SOX5: variants seen among roughly 807,000 people sequenced by gnomAD.
SOX5 encodes the protein SRY-box transcription factor 5.
SOX5 carries 9 observed loss-of-function variants against 92.0 expected under a neutral mutation model. The ratio of observed to expected loss-of-function variants is 0.10; its 90% confidence interval spans 0.06 to 0.17. The LOEUF is 0.17. Ranked by LOEUF, SOX5 falls within the 10% of genes least tolerant of loss-of-function variation. The pLI is 1.00. For missense variants in SOX5, 642 were observed against 944.5 expected (o/e 0.68, Z 4.20); for synonymous variants, 344 against 336.3 (o/e 1.02, Z -0.25).
chr12:24,482,820 A>T (rs185139037), intron 1 of SOX5, among the ~76,000 whole-genome samples: 51 of 152,326 alleles, frequency 3.3e-4, no homozygotes, highest in Non-Finnish European at 7.1e-4. Context: ...AACGTAAATA[A>T]GAGTATTGTG....
chr12:23,711,703 T>C (rs1182578857), intron 6 of SOX5, among the ~76,000 whole-genome samples: 6 of 152,164 alleles, frequency 3.9e-5, no homozygotes, highest in Non-Finnish European at 8.8e-5. Flanking sequence ...TCTGAAGTAA[T>C]TACAATTGGA....
rs34331621 is a variant in SOX5 at position 23,664,322 on chromosome 12, C to CATATATATATATAT, written c.931+1108_931+1121dup. Among the ~76,000 whole-genome samples, 429 of 150,078 alleles carry CATATATATATATAT rather than the reference C, an allele frequency of 2.9e-3. 2 individuals are homozygous for CATATATATATATAT. Among genetic ancestry groups the CATATATATATATAT allele is most frequent in the African/African-American group, 9.9e-3 (407 of 40,968 alleles). On this transcript the variant is annotated intron_variant, in intron 7 of 14. Coordinates refer to ENST00000451604, the MANE Select transcript of SOX5 (RefSeq NM_006940.6). ...AGATGTTAATGGCACAATTCATTAA[C>CATATATATATATAT]ATATATATATATATAAGCCAAAATG...
At chr12:24,029,784 T>C (rs1243730135) in intron 4 of SOX5, among the ~76,000 whole-genome samples, 1 of 152,038 alleles carries the variant, frequency 6.6e-6, no homozygotes, top group Non-Finnish European at 1.5e-5. Flanking sequence ...AATTTCAAAA[T>C]ATACTAGTTT....
At chr12:24,263,014 G>A in intron 3 of SOX5, among the ~76,000 whole-genome samples, 1 of 152,022 alleles carries the variant, frequency 6.6e-6, no homozygotes, top group Non-Finnish European at 1.5e-5. Flanking sequence ...CTGAGGTCAG[G>A]AGTTCGAGGC....
chr12:24,085,956 TAAAA>T (rs144400872), intron 4 of SOX5, among the ~76,000 whole-genome samples: 1 of 138,510 alleles, frequency 7.2e-6, no homozygotes. Context: ...ACGGATATGC[TAAAA>T]AAAAAAAAAA....
chr12:24,023,224 T>C (rs529160617), intron 4 of SOX5, among the ~76,000 whole-genome samples: 1 of 152,160 alleles, frequency 6.6e-6, no homozygotes, highest in Non-Finnish European at 1.5e-5. Context: ...CACATTCAGA[T>C]GTTTGTTACA....
intron 6 of SOX5, among the ~76,000 whole-genome samples, chr12:23,671,148 A>G (rs2084714622): frequency 6.6e-6 from 1 of 152,204 alleles, no homozygotes; most frequent in Admixed American, 6.6e-5. Flanking sequence ...AACAGGTCTT[A>G]TGAGAGTGAG....
chr12:24,423,284 G>C (rs972899995), intron 1 of SOX5, among the ~76,000 whole-genome samples: 19 of 152,162 alleles, frequency 1.2e-4, no homozygotes, highest in African/African-American at 4.6e-4. Context: ...AGTCTCAATT[G>C]ATTCTGAAAT....
At chr12:24,343,772 G>T (rs1220412694) in intron 2 of SOX5, among the ~76,000 whole-genome samples, 1 of 152,074 alleles carries the variant, frequency 6.6e-6, no homozygotes, top group East Asian at 1.9e-4. Flanking sequence ...GAAGTTGGAG[G>T]GGCTGATTTG....
At chr12:23,897,914 T>A (rs2097193567) in intron 1 of SOX5, among the ~76,000 whole-genome samples, 1 of 152,176 alleles carries the variant, frequency 6.6e-6, no homozygotes, top group Non-Finnish European at 1.5e-5. Context: ...TTTTAACTAT[T>A]TCCAATCCCA....
chr12:24,212,315 A>G, intron 4 of SOX5: 1 of 496,452 alleles, frequency 2.0e-6, no homozygotes, highest in Non-Finnish European at 4.0e-6. Context: ...GAATAACTTT[A>G]AGCTTAGTTC....
chr12:23,764,100 AGAG>A lies in SOX5; in HGVS notation c.482-8379_482-8377del, dbSNP rs149806915. ...GGAGAACAGGAGGGTTACTAAGGCG[AGAG>A]GAGTAGAATGAAAAAGCAAAAGCAA... On this transcript the variant is annotated intron_variant, in intron 3 of 14. Coordinates refer to ENST00000451604, the MANE Select transcript of SOX5 (RefSeq NM_006940.6). Among the ~76,000 whole-genome samples the A allele has an allele frequency of 3.1e-3, 470 of 152,174 alleles. 1 individual carries two copies. Among genetic ancestry groups the A allele is most frequent in the African/African-American group, 0.011 (447 of 41,548 alleles).
At chr12:23,948,544 T>C (rs1333498193) in intron 1 of SOX5, among the ~76,000 whole-genome samples, 1 of 151,776 alleles carries the variant, frequency 6.6e-6, no homozygotes, top group Non-Finnish European at 1.5e-5. Flanking sequence ...ATACAGAAGG[T>C]AGCTTTCATG....
intron 2 of SOX5, among the ~76,000 whole-genome samples, chr12:24,352,966 C>T (rs1457566012): frequency 1.3e-5 from 2 of 152,150 alleles, no homozygotes; most frequent in Non-Finnish European, 2.9e-5. Flanking sequence ...TGGAGCATGT[C>T]TAGAATGGGG....
intron 3 of SOX5, among the ~76,000 whole-genome samples, chr12:24,268,379 T>G (rs1000564019): frequency 1.3e-5 from 2 of 152,162 alleles, no homozygotes; most frequent in African/African-American, 2.4e-5. Flanking sequence ...GGTGTTTTAC[T>G]GAAAATGCTT....
rs1162412405 is a variant in SOX5 at position 23,548,873 on chromosome 12, CA to C, written c.1489-2450del. On this transcript the variant is annotated intron_variant, in intron 11 of 14. Coordinates refer to ENST00000451604, the MANE Select transcript of SOX5 (RefSeq NM_006940.6). ...ATGAATGGGATTTAAGAATAGTTCT[CA>C]AAAGTTTAAATTCAATTGAATGGCA... 3.3e-5 allele frequency among the ~76,000 whole-genome samples: 5 copies of C among 151,932 alleles called. 1 individual carries two copies. In the South Asian group the frequency reaches 8.3e-4, roughly 25 times the overall value.
chr12:23,958,474 T>C (rs1591802130), intron 4 of SOX5, among the ~76,000 whole-genome samples: 1 of 152,142 alleles, frequency 6.6e-6, no homozygotes, highest in East Asian at 1.9e-4. Context: ...TAACTAGAAA[T>C]CAATAATTTT....
At chr12:23,940,743 A>T (rs1285631840) in intron 1 of SOX5, among the ~76,000 whole-genome samples, 3 of 96,862 alleles carry the variant, frequency 3.1e-5, no homozygotes, top group Middle Eastern at 4.8e-3. Flanking sequence ...GGAGATAAGT[A>T]TTACACACAC....
At position 23,695,046 on chromosome 12, in the gene SOX5, G is replaced by C. The variant is rs142838974; in HGVS notation, c.811-29482C>G. On this transcript the variant is annotated intron_variant, in intron 6 of 14. Transcript: ENST00000451604. ...GAGGTGGGAGAATCACCAGAGCCTG[G>C]GAAGTCGGGGCTGCAGTGAGCCGTG... Among the ~76,000 whole-genome samples the C allele has an allele frequency of 1.5e-3, 221 of 151,236 alleles. 1 individual carries two copies. Among genetic ancestry groups the C allele is most frequent in the Middle Eastern group, 6.8e-3 (2 of 294 alleles).
Sources: gnomAD v4.1 joint callset for allele counts (sites outside exome capture counted in the v4.1 genomes callset) on GRCh38, gnomAD v4.1.1 for gene constraint, MANE v1.5 for transcripts, NCBI Gene and HGNC (gene_info 2026-07-23, HGNC 2026-07-21) for gene names.